Variants in SMARCA4 observed in about 807,000 individuals in gnomAD.
SMARCA4 encodes SWI/SNF-related matrix-associated actin-dependent regulator of chromatin subfamily A member 4.
A neutral mutation model predicts 193.9 loss-of-function variants in SMARCA4; 31 were observed. The observed-to-expected ratio is 0.16, with a 90% CI of 0.12 to 0.22. The LOEUF is 0.22. Among genes scored for constraint, SMARCA4 ranks in the 10% least tolerant of loss-of-function variants. SMARCA4 has a pLI of 1.00. For synonymous variants in SMARCA4, 942 were observed against 933.1 expected (o/e 1.01, Z -0.17); for missense variants, 1,148 against 2,296.0 (o/e 0.50, Z 10.22).
chr19:10,989,848 T>A (rs2086402663), intron 7 of SMARCA4, among the ~76,000 whole-genome samples: 1 of 152,090 alleles, frequency 6.6e-6, no homozygotes, highest in African/African-American at 2.4e-5. Flanking sequence ...ATTACAAGCG[T>A]GTGCCACCAT....
intron 1 of SMARCA4, among the ~76,000 whole-genome samples, chr19:10,978,897 C>T (rs897526149): frequency 6.6e-5 from 10 of 151,842 alleles, no homozygotes; most frequent in Admixed American, 1.3e-4. Context: ...TGCAGTGAGC[C>T]GAGATCACGC....
chr19:10,982,229 C>T (rs2085610305), intron 1 of SMARCA4, among the ~76,000 whole-genome samples: 2 of 152,024 alleles, frequency 1.3e-5, no homozygotes, highest in Admixed American at 1.3e-4. Flanking sequence ...AATCCCAGCA[C>T]TTTGGGAGGT....
chr19:10,968,546 C>T (rs778914844), intron 1 of SMARCA4, among the ~76,000 whole-genome samples: 4 of 151,858 alleles, frequency 2.6e-5, no homozygotes, highest in Non-Finnish European at 5.9e-5. Flanking sequence ...CGGAGACTCG[C>T]TGTGTTACTT....
In SMARCA4 at chr19:10,970,320, C is replaced by T. The variant is rs200003948; in HGVS notation, c.-32+9146C>T. 1.6e-4 allele frequency among the ~76,000 whole-genome samples: 24 copies of T among 152,302 alleles called. No homozygotes were observed. In the East Asian group the frequency reaches 3.3e-3, roughly 21 times the overall value. ...CGCTGCTTTAGCAAATCAATCAAAT[C>T]GAGGAGGGGGTTGTGGGAATTCCCA... On this transcript the variant is annotated intron_variant, in intron 1 of 34. Transcript: ENST00000344626.
At chr19:11,039,351 C>G (rs896096648) in intron 29 of SMARCA4, 2 of 607,324 alleles carry the variant, frequency 3.3e-6, no homozygotes, top group Non-Finnish European at 5.7e-6. Flanking sequence ...GAGACCCTGT[C>G]TCTGAAAAAA....
chr19:11,050,049 A>G (rs189335661), intron 30 of SMARCA4, among the ~76,000 whole-genome samples: 3 of 152,326 alleles, frequency 2.0e-5, no homozygotes, highest in Admixed American at 6.5e-5. Flanking sequence ...CGGTGAGCCA[A>G]GATTGCACCA....
At chr19:11,035,751 C>T (rs573964359) in intron 29 of SMARCA4, among the ~76,000 whole-genome samples, 1 of 152,320 alleles carries the variant, frequency 6.6e-6, no homozygotes, top group African/African-American at 2.4e-5. Flanking sequence ...GTCAGTCGTG[C>T]GGTGCTCCTG....
At chr19:10,971,196 C>T (rs1447481175) in intron 1 of SMARCA4, among the ~76,000 whole-genome samples, 3 of 151,078 alleles carry the variant, frequency 2.0e-5, no homozygotes, top group African/African-American at 7.3e-5. Context: ...AACTTCATCT[C>T]AAAGAAAAAA....
intron 1 of SMARCA4, among the ~76,000 whole-genome samples, chr19:10,967,499 A>G (rs2084317656): frequency 6.9e-6 from 1 of 145,898 alleles, no homozygotes; most frequent in African/African-American, 2.6e-5. Context: ...TTTAGTAGAG[A>G]CGGGGTTTCA....
rs1180920317 is a variant in SMARCA4, at chr19:10,986,090, G to A, written c.356-99G>A. On this transcript the variant is annotated intron_variant, in intron 3 of 34. Coordinates refer to ENST00000344626, the MANE Select transcript of SMARCA4 (RefSeq NM_003072.5). The surrounding 1 kb of genome is among the most constrained non-coding windows in gnomAD (Gnocchi z 6.7). ...CTCAAGAGAAGGATGCCATTTGGCT[G>A]TGCCCTGTCTCAGAGTAGGAGCTGG... 1.9e-6 allele frequency: 2 copies of A among 1,043,686 alleles called. No individual in the cohort carries two copies. The highest frequency in any genetic ancestry group is 1.3e-5 in the South Asian group (1 of 76,882). The allele number at this position is 1,043,686 out of a possible 1,614,324, so 64.7% of individuals were successfully genotyped here.
chr19:11,014,802 A>G (rs958121421), intron 16 of SMARCA4, among the ~76,000 whole-genome samples: 1 of 151,566 alleles, frequency 6.6e-6, no homozygotes, highest in Admixed American at 6.6e-5. Flanking sequence ...TTTTGAAATG[A>G]TCTCATTTAT....
chr19:11,055,183 T>C (rs2076471606), intron 30 of SMARCA4, among the ~76,000 whole-genome samples: 1 of 152,056 alleles, frequency 6.6e-6, no homozygotes, highest in Non-Finnish European at 1.5e-5. Flanking sequence ...ACCTTGGTTT[T>C]GTGTTTTGTT....
At chr19:11,000,729 AT>A (rs1320701350) in intron 11 of SMARCA4, among the ~76,000 whole-genome samples, 1 of 151,722 alleles carries the variant, frequency 6.6e-6, no homozygotes, top group Non-Finnish European at 1.5e-5. Context: ...AAATACAAAC[AT>A]TAGCCAGGCG....
At chr19:10,979,928 G>T (rs376354194) in intron 1 of SMARCA4, among the ~76,000 whole-genome samples, 1 of 152,238 alleles carries the variant, frequency 6.6e-6, no homozygotes, top group South Asian at 2.1e-4. Flanking sequence ...ATGATCCTGC[G>T]ATCAGGGCAT....
rs777197996 is a variant in SMARCA4, at chr19:11,013,120, C to T, written c.2438+8C>T. 5 of 1,613,914 alleles carry T rather than the reference C, an allele frequency of 3.1e-6. No homozygotes were observed. The highest frequency in any genetic ancestry group is 2.2e-5 in the East Asian group (1 of 44,852). Reference sequence around the variant, plus strand: ...CATCATCGTGCCTCTCTCGTGAGTACCCGCTGCCAGCAACATCCCACACGC... The same window carrying T: ...CATCATCGTGCCTCTCTCGTGAGTATCCGCTGCCAGCAACATCCCACACGC... On this transcript the variant is annotated splice_region_variant and intron_variant, in intron 16 of 34. Coordinates refer to ENST00000344626, the MANE Select transcript of SMARCA4 (RefSeq NM_003072.5).
intron 1 of SMARCA4, among the ~76,000 whole-genome samples, chr19:10,970,371 C>T (rs1384529945): frequency 6.6e-6 from 1 of 152,174 alleles, no homozygotes; most frequent in Non-Finnish European, 1.5e-5. Flanking sequence ...GGCAGAAGTA[C>T]TGGACCCTGG....
chr19:10,995,264 C>T lies in SMARCA4; in HGVS notation c.1593+263C>T, dbSNP rs111582342. 827 of 619,388 alleles carry T rather than the reference C, an allele frequency of 1.3e-3. 10 individuals carry two copies. The highest frequency in any genetic ancestry group is 0.013 in the African/African-American group (701 of 55,608). 38.4% of individuals were successfully genotyped at this position (619,388 alleles called of 1,614,324 possible). A position where few individuals can be genotyped will look rare whatever the true frequency, so the allele number is the denominator to read the frequency against. ...CTCTGGAAAATGGAGGTGGTGCCCC[C>T]TTCCCTCGTTCTGTGAGAGCCAGGT... On this transcript the variant is annotated intron_variant, in intron 9 of 34. Coordinates refer to ENST00000344626, the MANE Select transcript of SMARCA4 (RefSeq NM_003072.5).
intron 30 of SMARCA4, among the ~76,000 whole-genome samples, chr19:11,043,377 C>T (rs1165562472): frequency 6.6e-6 from 1 of 152,180 alleles, no homozygotes; most frequent in Non-Finnish European, 1.5e-5. Flanking sequence ...AATGCCAGAT[C>T]TGAAAATGTC....
intron 1 of SMARCA4, among the ~76,000 whole-genome samples, chr19:10,971,606 A>G (rs942967318): frequency 6.6e-6 from 1 of 151,270 alleles, no homozygotes; most frequent in Admixed American, 6.6e-5. Context: ...CTTCCCAAGT[A>G]GCTGGGACTA....
Sources: allele counts gnomAD v4.1 joint callset (sites outside exome capture counted in the v4.1 genomes callset), GRCh38; gene constraint gnomAD v4.1.1; non-coding constraint Gnocchi (gnomAD v3.1); transcripts MANE v1.5; gene names NCBI Gene and HGNC (gene_info 2026-07-23, HGNC 2026-07-21).